The following NRXN1 variants were observed in gnomAD, a reference collection of about 807,000 sequenced individuals.
The protein encoded by NRXN1 is neurexin-1.
In NRXN1, 39 loss-of-function variants were observed where a neutral mutation model predicts 150.9. The ratio of observed to expected loss-of-function variants is 0.26; its 90% confidence interval spans 0.20 to 0.34. The LOEUF (loss-of-function observed/expected upper bound fraction) is 0.34, where lower values mean the gene tolerates loss of function less well. Among genes scored for constraint, NRXN1 ranks in the 10% least tolerant of loss-of-function variants. NRXN1 has a pLI of 1.00. For synonymous variants in NRXN1, 924 were observed against 757.0 expected, an observed-to-expected ratio of 1.22 and a Z score of -3.62; for missense variants, 1,815 against 1,949.9, an observed-to-expected ratio of 0.93 and a Z score of 1.30.
At chr2:49,943,855 C>G in intron 21 of NRXN1, 64 bp from the exon 22 acceptor site, 1 of 1,174,538 alleles carries the variant, frequency 8.5e-7, no homozygotes, top group South Asian at 1.3e-5. Context: ...TCATCTTTGT[C>G]TCATTGACAA....
chr2:51,018,275 A>G (rs1669052860), intron 2 of NRXN1, among the ~76,000 whole-genome samples: 1 of 152,140 alleles, frequency 6.6e-6, no homozygotes, highest in South Asian at 2.1e-4. Context: ...TTGGATTGCC[A>G]GATCCCTCCT....
At position 50,676,085 on chromosome 2, in the gene NRXN1, C is replaced by T. The variant is rs190295258; in HGVS notation, c.833-52470G>A. On this transcript the variant is annotated intron_variant, in intron 5 of 22. Coordinates refer to ENST00000401669, the MANE Select transcript of NRXN1 (RefSeq NM_001330078.2). ...TTGGGTCATGGGGGTGGATCCTTCA[C>T]GAATAACTTGGTGCCCTCCCAGAGC... 1.2e-4 allele frequency among the ~76,000 whole-genome samples: 19 copies of T among 152,180 alleles called. No individual in the cohort carries two copies. In the East Asian group the frequency reaches 3.1e-3, roughly 25 times the overall value.
At chr2:50,846,691 T>C (rs1289232243) in intron 5 of NRXN1, among the ~76,000 whole-genome samples, 1 of 152,166 alleles carries the variant, frequency 6.6e-6, no homozygotes, top group East Asian at 1.9e-4. Context: ...AAAGCAACAA[T>C]TCAAAACCAA....
chr2:50,112,629 AG>A (rs1185245746), intron 18 of NRXN1, among the ~76,000 whole-genome samples: 1 of 152,138 alleles, frequency 6.6e-6, no homozygotes, highest in Non-Finnish European at 1.5e-5. Flanking sequence ...TGAGGGTGCA[AG>A]GGCTGTTTCA....
rs148093395 is a variant in NRXN1 at position 51,029,382 on chromosome 2, T to C, written c.-921-188A>G. Among the ~76,000 whole-genome samples, 537 of 152,330 alleles carry C rather than the reference T, an allele frequency of 3.5e-3. 5 individuals carry two copies. The highest frequency in any genetic ancestry group is 0.012 in the African/African-American group (508 of 41,576). ...CATTTTCTAATAGTTAATATGACAC[T>C]TTTACAGTCAGCCATGACACCCTTG... On this transcript the variant is annotated intron_variant, in intron 1 of 22. Transcript: ENST00000401669.
At chr2:50,049,601 C>T (rs1325698209) in intron 21 of NRXN1, among the ~76,000 whole-genome samples, 2 of 152,048 alleles carry the variant, frequency 1.3e-5, no homozygotes, top group Admixed American at 1.3e-4. Context: ...ACAAAAAGAT[C>T]GTAAAATGTG....
At chr2:50,460,493 T>C (rs936316076) in intron 17 of NRXN1, among the ~76,000 whole-genome samples, 5 of 152,066 alleles carry the variant, frequency 3.3e-5, no homozygotes, top group East Asian at 3.9e-4. Context: ...AATTTTCTCA[T>C]ATAGATACAG....
Position 50,293,204 on chromosome 2 carries a change from C to T in NRXN1, c.3365-56234G>A, listed in dbSNP as rs191428000. ...TTGTCCTGCATAGAACTCGTCTCAGCCCCTGCTTGACATCTGACTGCTCGC... is the reference window on the plus strand; with the variant it reads ...TTGTCCTGCATAGAACTCGTCTCAGTCCCTGCTTGACATCTGACTGCTCGC... On this transcript the variant is annotated intron_variant, in intron 17 of 22. Transcript: ENST00000401669. Among the ~76,000 whole-genome samples the T allele has an allele frequency of 3.0e-4, 46 of 152,228 alleles. 1 individual carries two copies. The highest frequency in any genetic ancestry group is 1.1e-3 in the African/African-American group (44 of 41,554).
rs75617144 is a variant in NRXN1, at chr2:50,041,935, C to T, written c.4128+11336G>A. Among the ~76,000 whole-genome samples the T allele has an allele frequency of 8.7e-4, 132 of 152,222 alleles. 3 individuals are homozygous for T. In the East Asian group the frequency reaches 0.022, roughly 26 times the overall value. ...AGGCAAAATTATGCCACTTTGGGCC[C>T]GTCTCTTTTCCTTTTAGGGACAACT... On this transcript the variant is annotated intron_variant, in intron 21 of 22. Coordinates refer to ENST00000401669, the MANE Select transcript of NRXN1 (RefSeq NM_001330078.2).
At chr2:50,716,120 T>G (rs973447392) in intron 5 of NRXN1, among the ~76,000 whole-genome samples, 3 of 152,120 alleles carry the variant, frequency 2.0e-5, no homozygotes, top group African/African-American at 7.2e-5. Flanking sequence ...AATATAAAAA[T>G]TGGCACAAAC....
At chr2:50,379,584 T>G (rs570904043) in intron 17 of NRXN1, among the ~76,000 whole-genome samples, 28 of 152,114 alleles carry the variant, frequency 1.8e-4, no homozygotes, top group Non-Finnish European at 3.2e-4. Flanking sequence ...ATGTCTTGTT[T>G]ATGTCCCCTT....
intron 6 of NRXN1, among the ~76,000 whole-genome samples, chr2:50,622,188 G>T (rs542652051): frequency 1.3e-5 from 2 of 152,264 alleles, no homozygotes; most frequent in South Asian, 4.1e-4. Flanking sequence ...GATCTGGAAG[G>T]TCTGGGGTTC....
At chr2:50,754,270 C>T (rs979771617) in intron 5 of NRXN1, among the ~76,000 whole-genome samples, 6 of 151,766 alleles carry the variant, frequency 4.0e-5, no homozygotes, top group African/African-American at 1.2e-4. Context: ...CACTATGCTC[C>T]TAGTTCATGA....
chr2:50,181,874 G>C (rs1323439641), intron 18 of NRXN1, among the ~76,000 whole-genome samples: 1 of 151,952 alleles, frequency 6.6e-6, no homozygotes, highest in African/African-American at 2.4e-5. Context: ...GAACGTTTTT[G>C]TGACTACTGC....
intron 17 of NRXN1, among the ~76,000 whole-genome samples, chr2:50,328,636 C>T (rs1389521501): frequency 6.6e-6 from 1 of 151,818 alleles, no homozygotes; most frequent in African/African-American, 2.4e-5. Context: ...CTCAGGAGGC[C>T]GAGGCAGGAA....
chr2:50,726,112 G>C (rs911399197), intron 5 of NRXN1, among the ~76,000 whole-genome samples: 7 of 152,100 alleles, frequency 4.6e-5, no homozygotes, highest in African/African-American at 1.7e-4. Flanking sequence ...ATCCATTTGA[G>C]GAAACTGCTT....
chr2:49,950,912 A>G (rs1473199052), intron 21 of NRXN1, among the ~76,000 whole-genome samples: 1 of 151,964 alleles, frequency 6.6e-6, no homozygotes, highest in East Asian at 1.9e-4. Context: ...TTGATGCCCT[A>G]GGCTATTACA....
intron 2 of NRXN1, among the ~76,000 whole-genome samples, chr2:50,959,577 T>G (rs903230797): frequency 6.6e-6 from 1 of 152,030 alleles, no homozygotes; most frequent in Non-Finnish European, 1.5e-5. Flanking sequence ...GATGAATAGA[T>G]GCCAGGAACT....
At chr2:50,046,183 C>T (rs1691778524) in intron 21 of NRXN1, among the ~76,000 whole-genome samples, 1 of 152,160 alleles carries the variant, frequency 6.6e-6, no homozygotes, top group African/African-American at 2.4e-5. Flanking sequence ...TTATGGGAAT[C>T]CTTGGACAGC....
Sources: allele counts gnomAD v4.1 joint callset (sites outside exome capture counted in the v4.1 genomes callset), GRCh38; gene constraint gnomAD v4.1.1; transcripts MANE v1.5; gene names NCBI Gene and HGNC (gene_info 2026-07-23, HGNC 2026-07-21).